ARHGAP12: variants seen among roughly 807,000 people sequenced by gnomAD.
ARHGAP12 encodes the protein Rho GTPase activating protein 12, also known as rho GTPase-activating protein 12.
In ARHGAP12, 64 loss-of-function variants were observed where a neutral mutation model predicts 108.6. The observed-to-expected ratio is 0.59, with a 90% CI of 0.48 to 0.73. ARHGAP12 has a LOEUF of 0.73. Among genes scored for constraint, ARHGAP12 ranks in the 30% least tolerant of loss-of-function variants. The pLI is 0.00. For missense variants in ARHGAP12, 940 were observed against 1,005.9 expected, an observed-to-expected ratio of 0.93 and a Z score of 0.89; for synonymous variants, 312 against 337.2, an observed-to-expected ratio of 0.93 and a Z score of 0.82.
chr10:31,881,545 GA>G (rs1162995516), intron 3 of ARHGAP12, among the ~76,000 whole-genome samples: 1 of 152,124 alleles, frequency 6.6e-6, no homozygotes, highest in Non-Finnish European at 1.5e-5. Flanking sequence ...AGCAACAACA[GA>G]AACAATAAAC....
At chr10:31,882,664 C>A (rs1389934326) in intron 3 of ARHGAP12, among the ~76,000 whole-genome samples, 1 of 151,370 alleles carries the variant, frequency 6.6e-6, no homozygotes, top group African/African-American at 2.4e-5. Context: ...AATACAAAAA[C>A]TACGTGGGCG....
At chr10:31,827,887 AC>A (rs1207736275) in intron 10 of ARHGAP12, among the ~76,000 whole-genome samples, 1 of 151,994 alleles carries the variant, frequency 6.6e-6, no homozygotes, top group Non-Finnish European at 1.5e-5. Context: ...AATAAGACTT[AC>A]CTTTTTTTAA....
intron 1 of ARHGAP12, among the ~76,000 whole-genome samples, chr10:31,918,478 G>A (rs1839658033): frequency 6.6e-6 from 1 of 152,048 alleles, no homozygotes; most frequent in South Asian, 2.1e-4. Flanking sequence ...CGAGGCAGGA[G>A]GATCACTTGA....
chr10:31,906,303 G>T (rs763968808), intron 3 of ARHGAP12, among the ~76,000 whole-genome samples: 8 of 152,152 alleles, frequency 5.3e-5, no homozygotes, highest in Non-Finnish European at 1.2e-4. Context: ...TAAGCCACTC[G>T]AATTGGGGGT....
intron 3 of ARHGAP12, among the ~76,000 whole-genome samples, chr10:31,880,894 T>C (rs1431052657): frequency 2.9e-5 from 4 of 138,314 alleles, no homozygotes; most frequent in Non-Finnish European, 6.3e-5. Context: ...GCTTTGACTC[T>C]ACCAAAAAAA....
At chr10:31,827,276 T>C (rs573212412) in intron 10 of ARHGAP12, among the ~76,000 whole-genome samples, 9 of 152,254 alleles carry the variant, frequency 5.9e-5, no homozygotes, top group Non-Finnish European at 1.2e-4. Context: ...TTGTAAATTA[T>C]TTGAAAAAAC....
At chr10:31,822,727 T>C (rs549916829) in intron 11 of ARHGAP12, among the ~76,000 whole-genome samples, 35 of 152,254 alleles carry the variant, frequency 2.3e-4, no homozygotes, top group African/African-American at 8.2e-4. Flanking sequence ...CTGGTGTCCC[T>C]TTCCAAGTCA....
chr10:31,928,622 C>G (rs1382108054), intron 1 of ARHGAP12, 61 bp downstream of exon 1: 1 of 152,442 alleles, frequency 6.6e-6, no homozygotes, highest in East Asian at 1.9e-4. Context: ...CCCGGCGCGC[C>G]TTTGTGCAGC....
chr10:31,844,842 C>A (rs946433767), intron 6 of ARHGAP12, among the ~76,000 whole-genome samples: 1 of 152,028 alleles, frequency 6.6e-6, no homozygotes, highest in Non-Finnish European at 1.5e-5. Flanking sequence ...TACCCACCAA[C>A]GACTCCCTAT....
chr10:31,910,414 T>TGGTA (rs1362000715), intron 2 of ARHGAP12, 111 bp downstream of exon 2: 1 of 152,170 alleles, frequency 6.6e-6, no homozygotes, highest in Non-Finnish European at 1.5e-5. Flanking sequence ...TAAGGCCAGG[T>TGGTA]GGTAAGTCAA....
chr10:31,862,943 T>C (rs900052428), intron 3 of ARHGAP12, among the ~76,000 whole-genome samples: 1 of 152,192 alleles, frequency 6.6e-6, no homozygotes, highest in African/African-American at 2.4e-5. Flanking sequence ...GAATACTGAA[T>C]GGAAACACTG....
intron 3 of ARHGAP12, among the ~76,000 whole-genome samples, chr10:31,898,850 G>GT (rs1040143055): frequency 6.6e-6 from 1 of 151,734 alleles, no homozygotes; most frequent in Non-Finnish European, 1.5e-5. Flanking sequence ...ATAAAATAGT[G>GT]TAACAACAAC....
At chr10:31,865,873 G>A (rs1467163809) in intron 3 of ARHGAP12, among the ~76,000 whole-genome samples, 2 of 120,456 alleles carry the variant, frequency 1.7e-5, no homozygotes, top group South Asian at 6.2e-4. Flanking sequence ...GCAAGACTCC[G>A]TCTCAAAAAA....
At chr10:31,912,536 C>G (rs866254859) in intron 1 of ARHGAP12, among the ~76,000 whole-genome samples, 16 of 152,264 alleles carry the variant, frequency 1.1e-4, no homozygotes, top group African/African-American at 3.4e-4. Context: ...AAAGATAAAG[C>G]AAGTCGGTTT....
chr10:31,904,838 T>C (rs1839063718), intron 3 of ARHGAP12, among the ~76,000 whole-genome samples: 1 of 152,030 alleles, frequency 6.6e-6, no homozygotes, highest in Non-Finnish European at 1.5e-5. Context: ...TGTTTCTCAA[T>C]TTAGTCTTGA....
intron 3 of ARHGAP12, among the ~76,000 whole-genome samples, chr10:31,874,729 T>A (rs1022920667): frequency 1.3e-5 from 2 of 151,996 alleles, no homozygotes; most frequent in African/African-American, 4.8e-5. Context: ...ATCCTAGCAC[T>A]TTGGGCGGCC....
intron 3 of ARHGAP12, among the ~76,000 whole-genome samples, chr10:31,898,814 G>A (rs1838809748): frequency 6.6e-6 from 1 of 151,962 alleles, no homozygotes; most frequent in Non-Finnish European, 1.5e-5. Flanking sequence ...GTTTGTGTAA[G>A]TACACTCTGT....
chr10:31,841,553 T>C (rs1354356566), intron 7 of ARHGAP12, among the ~76,000 whole-genome samples: 1 of 152,172 alleles, frequency 6.6e-6, no homozygotes, highest in South Asian at 2.1e-4. Context: ...GGTAAACAGA[T>C]TACAACGGTA....
intron 3 of ARHGAP12, among the ~76,000 whole-genome samples, chr10:31,884,878 C>T (rs1003097819): frequency 1.3e-5 from 2 of 152,102 alleles, no homozygotes; most frequent in African/African-American, 4.8e-5. Context: ...AAAAAACTCA[C>T]CATGTCATTT....
Sources: allele counts gnomAD v4.1 joint callset (sites outside exome capture counted in the v4.1 genomes callset), GRCh38; gene constraint gnomAD v4.1.1; transcripts MANE v1.5; gene names NCBI Gene and HGNC (gene_info 2026-07-23, HGNC 2026-07-21).